ATP6V1G1: variants seen among roughly 807,000 people sequenced by gnomAD.
ATP6V1G1 encodes V-type proton ATPase subunit G 1.
Under a neutral mutation model 14.2 loss-of-function variants are expected in ATP6V1G1, and 14 were observed. The ratio of observed to expected loss-of-function variants is 0.99; its 90% CI spans 0.65 to 1.55. The LOEUF (loss-of-function observed/expected upper bound fraction) is 1.55. ATP6V1G1 is among the 40% of genes most tolerant of loss of function. The pLI is 0.00. For missense variants in ATP6V1G1, 137 were observed against 146.4 expected (o/e 0.94, Z 0.33); for synonymous variants, 65 against 53.3 (o/e 1.22, Z -0.96).
At chr9:114,593,657 C>T (rs1250402356) in intron 2 of ATP6V1G1, among the ~76,000 whole-genome samples, 2 of 152,050 alleles carry the variant, frequency 1.3e-5, no homozygotes, top group African/African-American at 4.8e-5. Context: ...CCATCATGCT[C>T]AGCTAATTTT....
At chr9:114,590,600 G>A (rs1042602775) in intron 1 of ATP6V1G1, among the ~76,000 whole-genome samples, 1 of 151,766 alleles carries the variant, frequency 6.6e-6, no homozygotes, top group Non-Finnish European at 1.5e-5. Context: ...ATTGTTAATA[G>A]TTAGGAACAG....
chr9:114,593,225 A>G (rs1297580658), intron 2 of ATP6V1G1, among the ~76,000 whole-genome samples: 1 of 152,226 alleles, frequency 6.6e-6, no homozygotes, highest in African/African-American at 2.4e-5. Flanking sequence ...CTCACAGAGA[A>G]AAGAAACTAT....
chr9:114,589,848 T>C (rs1270936452), intron 1 of ATP6V1G1, among the ~76,000 whole-genome samples: 1 of 152,160 alleles, frequency 6.6e-6, no homozygotes, highest in Non-Finnish European at 1.5e-5. Flanking sequence ...ACCTTTATCC[T>C]GTCAAGCCTG....
Position 114,597,799 on chromosome 9 carries a change from A to G in ATP6V1G1, c.*56A>G. On this transcript the variant is annotated 3_prime_UTR_variant, in exon 3 of 3. Transcript: ENST00000374050. ...ATTTTAGATGCCCTCACGAATATGA[A>G]GCTTAGCACAGCTCTAGTTACATTC... The G allele has an allele frequency of 7.1e-7, 1 of 1,406,854 alleles. No homozygotes were observed. The highest frequency in any genetic ancestry group is 9.4e-7 in the Non-Finnish European group (1 of 1,066,838). The allele number at this position is 1,406,854 out of a possible 1,614,324, so 87.1% of individuals were successfully genotyped here.
rs572675154 is a variant in ATP6V1G1 at position 114,594,223 on chromosome 9, C to T, written c.183+1571C>T. On this transcript the variant is annotated intron_variant, in intron 2 of 2. Transcript: ENST00000374050. ...TAGCTGAAATTGCAGGCATGCGCCA[C>T]CACATCCGGCTAAATTTGTATTTTT... Among the ~76,000 whole-genome samples the T allele has an allele frequency of 1.4e-4, 21 of 152,132 alleles. No individual in the cohort carries two copies. In the East Asian group the frequency reaches 1.5e-3, roughly 11 times the overall value.
At chr9:114,592,733 T>C in intron 2 of ATP6V1G1, 81 bp downstream of exon 2, 2 of 1,409,022 alleles carry the variant, frequency 1.4e-6, no homozygotes, top group Non-Finnish European at 1.9e-6. Context: ...CCAGCATAGC[T>C]CAGAGATCCT....
Position 114,587,871 on chromosome 9 carries a change from G to C in ATP6V1G1, c.33G>C (p.Leu11=). 6.3e-7 allele frequency: 1 copy of C among 1,594,210 alleles called. No homozygotes were observed. The highest frequency in any genetic ancestry group is 8.5e-7 in the Non-Finnish European group (1 of 1,171,088). MASQSQGIQQ[L]LQAEKRAAEK... ...GTCAGTCTCAGGGGATTCAGCAGCT[G>C]CTGCAGGCCGAGAAGCGGGCAGCCG... The change falls in exon 1 of 3, where the codon CTG becomes CTC. Residue 11 remains leucine (L), a synonymous_variant. Coordinates refer to ENST00000374050, the MANE Select transcript of ATP6V1G1 (RefSeq NM_004888.4).
intron 1 of ATP6V1G1, among the ~76,000 whole-genome samples, chr9:114,589,469 CTCCTAGTATAGGAGTTAT>C (rs1293969101): frequency 3.0e-4 from 45 of 152,316 alleles, no homozygotes; most frequent in African/African-American, 1.1e-3. Flanking sequence ...CTTGGTGTTT[CTCCTAGTATAGGAGTTAT>C]TCTATCTGAC....
chr9:114,595,911 A>G (rs1340620341), intron 2 of ATP6V1G1, among the ~76,000 whole-genome samples: 1 of 152,188 alleles, frequency 6.6e-6, no homozygotes, highest in Non-Finnish European at 1.5e-5. Context: ...ATATGTATAT[A>G]TAGTGAGGCA....
chr9:114,587,902 G>T lies in ATP6V1G1; in HGVS notation c.64G>T (p.Val22Leu). ...GGCCGAGAAGCGGGCAGCCGAGAAG[G>T]TGTCCGAGGCCCGCAAAAGTGAGTT... Reference protein sequence around the residue: ...LQAEKRAAEKVSEARKRKNRR... With the variant: ...LQAEKRAAEKLSEARKRKNRR... Residue 22 changes from valine (V) to leucine (L), a missense_variant, in exon 1 of 3, where the codon GTG becomes TTG. Physicochemically the swap from Val to Leu is conservative, Grantham distance 32 (BLOSUM62 1). Transcript: ENST00000374050. 2 of 1,584,530 alleles carry T rather than the reference G, an allele frequency of 1.3e-6. No homozygotes were observed. Among genetic ancestry groups the T allele is most frequent in the Non-Finnish European group, 8.6e-7 (1 of 1,165,814 alleles).
At chr9:114,588,173 G>A (rs2133555688) in intron 1 of ATP6V1G1, 1 of 537,774 alleles carries the variant, frequency 1.9e-6, no homozygotes, top group Admixed American at 3.4e-5. Flanking sequence ...CTGGAGGCAT[G>A]TGAAATGGGC....
intron 1 of ATP6V1G1, 53 bp from the exon 2 acceptor site, chr9:114,592,499 T>C (rs1564274280): frequency 2.0e-6 from 3 of 1,497,058 alleles, no homozygotes; most frequent in Non-Finnish European, 2.7e-6. Flanking sequence ...TTGTCTCTGC[T>C]TGCTTTTCTA....
In ATP6V1G1 at chr9:114,587,901, G is replaced by A. The variant is rs1302629145; in HGVS notation, c.63G>A (p.Lys21=). The A allele has an allele frequency of 6.3e-7, 1 of 1,584,438 alleles. No individual in the cohort carries two copies. Among genetic ancestry groups the A allele is most frequent in the East Asian group, 2.3e-5 (1 of 43,708 alleles). The change falls in exon 1 of 3, where the codon AAG becomes AAA. Residue 21 remains lysine (K), a synonymous_variant. Coordinates refer to ENST00000374050, the MANE Select transcript of ATP6V1G1 (RefSeq NM_004888.4). ...AGGCCGAGAAGCGGGCAGCCGAGAA[G>A]GTGTCCGAGGCCCGCAAAAGTGAGT... The part of the protein sequence containing the change: ...LLQAEKRAAE[K]VSEARKRKNR...
rs71300693 is a variant in ATP6V1G1 at position 114,590,198 on chromosome 9, C to CAA, written c.82+2292_82+2293dup. 4.3e-3 allele frequency among the ~76,000 whole-genome samples: 416 copies of CAA among 97,360 alleles called. 7 individuals are homozygous for CAA. Among genetic ancestry groups the CAA allele is most frequent in the African/African-American group, 8.8e-3 (221 of 25,064 alleles). The allele number at this position is 97,360 out of a possible 152,430, so 63.9% of individuals were successfully genotyped here. On this transcript the variant is annotated intron_variant, in intron 1 of 2. Coordinates refer to ENST00000374050, the MANE Select transcript of ATP6V1G1 (RefSeq NM_004888.4). ...TTGGGGACAGAGGGAGACGCCGTCT[C>CAA]AAAAAAAAAAAAAAACAAAAAACAA...
chr9:114,588,999 CATG>C (rs1373694134), intron 1 of ATP6V1G1, among the ~76,000 whole-genome samples: 2 of 152,316 alleles, frequency 1.3e-5, no homozygotes, highest in South Asian at 2.1e-4. Flanking sequence ...TCAGAAGCAG[CATG>C]ATGTCTTTCA....
At chr9:114,595,068 A>G (rs1845224499) in intron 2 of ATP6V1G1, among the ~76,000 whole-genome samples, 1 of 144,906 alleles carries the variant, frequency 6.9e-6, no homozygotes, top group Non-Finnish European at 1.5e-5. Context: ...GGGTTTCACC[A>G]TGTTGGCCAG....
intron 2 of ATP6V1G1, 81 bp from the exon 3 acceptor site, chr9:114,597,489 A>G (rs1292927457): frequency 7.3e-7 from 1 of 1,371,308 alleles, no homozygotes; most frequent in African/African-American, 1.5e-5. Flanking sequence ...TCCAAAAGTC[A>G]ACAAGTAGCT....
intron 2 of ATP6V1G1, among the ~76,000 whole-genome samples, chr9:114,594,436 C>T (rs1284109249): frequency 1.6e-4 from 24 of 148,338 alleles, no homozygotes; most frequent in African/African-American, 6.0e-4. Context: ...CAGGCTGGAG[C>T]GCAGTGGCGT....
chr9:114,589,659 C>A (rs1845163618), intron 1 of ATP6V1G1, among the ~76,000 whole-genome samples: 1 of 152,158 alleles, frequency 6.6e-6, no homozygotes, highest in South Asian at 2.1e-4. Context: ...TCCAGTCATG[C>A]CCTTGATAGT....
Sources: allele counts gnomAD v4.1 joint callset (sites outside exome capture counted in the v4.1 genomes callset), GRCh38; gene constraint gnomAD v4.1.1; transcripts MANE v1.5; gene names NCBI Gene and HGNC (gene_info 2026-07-23, HGNC 2026-07-21).